Variants in ZC3H12B observed in about 807,000 individuals in gnomAD.
ZC3H12B encodes the protein zinc finger CCCH-type containing 12B.
In ZC3H12B, 7 loss-of-function variants were observed where a neutral mutation model predicts 43.9. That is an observed-to-expected ratio of 0.16 (90% confidence interval 0.09 to 0.30). ZC3H12B has a LOEUF of 0.30. ZC3H12B is among the 10% of genes least tolerant of loss of function. ZC3H12B has a pLI of 1.00. For missense variants in ZC3H12B, 475 were observed against 670.2 expected, an observed-to-expected ratio of 0.71 and a Z score of 3.22; for synonymous variants, 222 against 241.7, an observed-to-expected ratio of 0.92 and a Z score of 0.76.
At chrX:65,054,792 A>T in the ZC3H12B span, among the ~76,000 whole-genome samples, 1 of 111,295 alleles carries the variant, frequency 9.0e-6, no homozygotes, top group Non-Finnish European at 1.9e-5. Context: ...CTCCTTGAAG[A>T]AGTCCTTCAC....
chrX:65,369,841 C>G (rs1405396659), intron 2 of ZC3H12B, among the ~76,000 whole-genome samples: 1 of 111,815 alleles, frequency 8.9e-6, no homozygotes, highest in African/African-American at 3.3e-5. Context: ...ATCAGCAATG[C>G]AAGGTTAATT....
chrX:65,154,102 G>C, the ZC3H12B span, among the ~76,000 whole-genome samples: 1 of 110,829 alleles, frequency 9.0e-6, no homozygotes, highest in Non-Finnish European at 1.9e-5. Flanking sequence ...AGGGGGCAGG[G>C]ATAACATTAG....
chrX:65,282,379 T>A, the ZC3H12B span, among the ~76,000 whole-genome samples: 1 of 111,685 alleles, frequency 9.0e-6, no homozygotes, highest in Non-Finnish European at 1.9e-5. Context: ...ATGGAAAGGA[T>A]TTTCCGTTAT....
the ZC3H12B span, among the ~76,000 whole-genome samples, chrX:65,202,644 G>A: frequency 6.3e-5 from 7 of 111,122 alleles, no homozygotes; most frequent in Admixed American, 1.9e-4. Context: ...GGCAAGGGTG[G>A]CACAAGCACT....
chrX:65,109,921 T>C, the ZC3H12B span, among the ~76,000 whole-genome samples: 1 of 111,619 alleles, frequency 9.0e-6, no homozygotes, highest in Non-Finnish European at 1.9e-5. Context: ...ATGGTTTTGG[T>C]TTGCATTTCC....
At chrX:65,075,329 C>G in the ZC3H12B span, among the ~76,000 whole-genome samples, 7 of 112,230 alleles carry the variant, frequency 6.2e-5, no homozygotes. Flanking sequence ...GGTCAGACCC[C>G]AAAAAGCTAT....
At chrX:65,118,078 G>GT in the ZC3H12B span, among the ~76,000 whole-genome samples, 1 of 111,530 alleles carries the variant, frequency 9.0e-6, no homozygotes, top group Admixed American at 9.6e-5. Context: ...CTTTAAAGTA[G>GT]TTTTTTCCAA....
rs142775616 is a variant in ZC3H12B at position 65,434,776 on chromosome X, A to G, written n.407+36072A>G. On this transcript the variant is annotated intron_variant and non_coding_transcript_variant, in intron 3 of 5. Transcript: ENST00000617377. Reference sequence around the variant, plus strand: ...GAAGGGTAGTGGGTGAGTCCTGAGGAGAATCATTGTCTGGCTTGATAACTG... The same window carrying G: ...GAAGGGTAGTGGGTGAGTCCTGAGGGGAATCATTGTCTGGCTTGATAACTG... 2.9e-3 allele frequency among the ~76,000 whole-genome samples: 328 copies of G among 111,218 alleles called. 2 individuals carry two copies. Among genetic ancestry groups the G allele is most frequent in the African/African-American group, 0.01 (318 of 30,602 alleles).
chrX:65,064,130 G>A, the ZC3H12B span, among the ~76,000 whole-genome samples: 5 of 111,384 alleles, frequency 4.5e-5, no homozygotes, highest in Non-Finnish European at 9.4e-5. Flanking sequence ...GTTTTTGAAA[G>A]GTTTTTCATG....
chrX:65,187,162 A>T, the ZC3H12B span: 2 of 111,745 alleles, frequency 1.8e-5, no homozygotes, highest in African/African-American at 6.5e-5. Flanking sequence ...CCTCAGTTTC[A>T]TATTAACTTC....
the ZC3H12B span, among the ~76,000 whole-genome samples, chrX:65,126,224 G>A: frequency 9.0e-6 from 1 of 110,688 alleles, no homozygotes; most frequent in East Asian, 2.8e-4. Flanking sequence ...GGAAAATACG[G>A]TATCTTTCCT....
At chrX:65,439,678 C>T (rs1156946678) in intron 3 of ZC3H12B, among the ~76,000 whole-genome samples, 1 of 112,037 alleles carries the variant, frequency 8.9e-6, no homozygotes, top group Admixed American at 9.4e-5. Flanking sequence ...TGAAGGAATA[C>T]TCATGGCAGT....
At chrX:65,261,353 G>T in the ZC3H12B span, among the ~76,000 whole-genome samples, 34 of 111,697 alleles carry the variant, frequency 3.0e-4, 1 homozygote, top group Non-Finnish European at 5.1e-4. Flanking sequence ...ATTTCAATTT[G>T]TATGTCTAGT....
the ZC3H12B span, chrX:65,272,492 GC>G: frequency 9.0e-6 from 1 of 111,698 alleles, no homozygotes. Flanking sequence ...TGCTCCTTTA[GC>G]CAAAGGGGTC....
the ZC3H12B span, among the ~76,000 whole-genome samples, chrX:65,160,096 C>A: frequency 2.7e-5 from 3 of 111,929 alleles, no homozygotes; most frequent in African/African-American, 9.7e-5. Flanking sequence ...ACCAGCCTTG[C>A]ATCCCAGGGA....
At chrX:65,461,398 C>A (rs2067743721) in intron 3 of ZC3H12B, among the ~76,000 whole-genome samples, 1 of 112,260 alleles carries the variant, frequency 8.9e-6, no homozygotes, top group Non-Finnish European at 1.9e-5. Flanking sequence ...AAAACCCATG[C>A]ACACGTATGT....
chrX:65,499,271 A>C (rs1188119160), intron 3 of ZC3H12B, 38 bp downstream of exon 8: 1 of 978,845 alleles, frequency 1.0e-6, no homozygotes, highest in Admixed American at 2.6e-5. Flanking sequence ...CCAAGTTATC[A>C]GTAAGAATAG....
chrX:65,438,578 C>G (rs2067256085), intron 3 of ZC3H12B, among the ~76,000 whole-genome samples: 1 of 112,230 alleles, frequency 8.9e-6, no homozygotes, highest in African/African-American at 3.2e-5. Flanking sequence ...GCTGAAAGCC[C>G]CAAACAGAGA....
the ZC3H12B span, among the ~76,000 whole-genome samples, chrX:65,261,753 G>A: frequency 9.0e-6 from 1 of 110,549 alleles, no homozygotes; most frequent in East Asian, 2.8e-4. Flanking sequence ...AAATAAAAGT[G>A]AGTCAACTGA....
Sources: allele counts gnomAD v4.1 joint callset (sites outside exome capture counted in the v4.1 genomes callset), GRCh38; gene constraint gnomAD v4.1.1; transcripts MANE v1.5; gene names NCBI Gene and HGNC (gene_info 2026-07-23, HGNC 2026-07-21).